The following SAXO1 variants were observed in gnomAD, a reference collection of about 807,000 sequenced individuals.
The protein encoded by SAXO1 is 4930500O09Rik.
Under a neutral mutation model 17.5 loss-of-function variants are expected in SAXO1, and 21 were observed. The observed-to-expected ratio is 1.20, with a 90% CI of 0.85 to 1.72. SAXO1 has a LOEUF of 1.72. Among genes scored for constraint, SAXO1 ranks in the 40% most tolerant of loss-of-function variants. SAXO1 has a pLI of 0.00. For missense variants in SAXO1, 843 were observed against 596.0 expected (o/e 1.41, Z -4.32); for synonymous variants, 274 against 216.5 (o/e 1.27, Z -2.33).
intron 3 of SAXO1, among the ~76,000 whole-genome samples, chr9:18,931,823 G>A (rs1205232034): frequency 6.6e-6 from 1 of 152,050 alleles, no homozygotes. Context: ...TGCTTTCATT[G>A]GTAAAATATT....
intron 1 of SAXO1, among the ~76,000 whole-genome samples, chr9:18,961,836 TC>T (rs1832499120): frequency 6.6e-6 from 1 of 152,156 alleles, no homozygotes; most frequent in Non-Finnish European, 1.5e-5. Flanking sequence ...GATGTACCTA[TC>T]CTTTGGTTAT....
chr9:18,995,607 T>G (rs1196097804), intron 1 of SAXO1, among the ~76,000 whole-genome samples: 1 of 152,218 alleles, frequency 6.6e-6, no homozygotes, highest in Admixed American at 6.5e-5. Flanking sequence ...TGCATCCCAG[T>G]CACTTCCAGG....
At chr9:18,989,666 C>A (rs967975197) in intron 1 of SAXO1, among the ~76,000 whole-genome samples, 1 of 152,052 alleles carries the variant, frequency 6.6e-6, no homozygotes, top group Non-Finnish European at 1.5e-5. Flanking sequence ...TATATAATCA[C>A]TAAAAGAGCT....
chr9:19,045,444 ATG>A (rs1470304822), intron 1 of SAXO1, among the ~76,000 whole-genome samples: 248 of 45,936 alleles, frequency 5.4e-3, no homozygotes, highest in South Asian at 7.8e-3. Flanking sequence ...CCCTGCAAAG[ATG>A]CAAAGAGTAA....
intron 3 of SAXO1, among the ~76,000 whole-genome samples, chr9:18,937,495 A>G (rs1002611092): frequency 6.6e-6 from 1 of 152,182 alleles, no homozygotes; most frequent in African/African-American, 2.4e-5. Context: ...AGAACAAACA[A>G]ACCACTTCAA....
At position 19,027,032 on chromosome 9, in the gene SAXO1, C is replaced by T. The variant is rs79435894; in HGVS notation, c.38+5839G>A. The stretch of plus-strand genomic sequence containing the variant: ...TGAAGAGTTAACTGTTGAGAGTCAC[C>T]CATGAGCTCCAAGCCATGAAGGACA... On this transcript the variant is annotated intron_variant, in intron 1 of 3. Transcript: ENST00000380534. 2,507 of 834,444 alleles carry T rather than the reference C, an allele frequency of 3.0e-3. 36 individuals carry two copies. In the African/African-American group the frequency reaches 0.037, roughly 12 times the overall value. 51.7% of individuals were successfully genotyped at this position (834,444 alleles called of 1,614,324 possible).
chr9:19,007,470 T>A (rs1834532647), intron 1 of SAXO1, among the ~76,000 whole-genome samples: 1 of 152,260 alleles, frequency 6.6e-6, no homozygotes, highest in Admixed American at 6.5e-5. Context: ...GCAATATATC[T>A]TTAAACACTT....
At chr9:18,941,083 G>T (rs927750913) in intron 3 of SAXO1, among the ~76,000 whole-genome samples, 1 of 152,074 alleles carries the variant, frequency 6.6e-6, no homozygotes, top group African/African-American at 2.4e-5. Flanking sequence ...TTTTCCATAT[G>T]TATGTTACAT....
chr9:18,980,772 T>TA (rs1425914795), intron 1 of SAXO1, among the ~76,000 whole-genome samples: 5 of 19,890 alleles, frequency 2.5e-4, no homozygotes, highest in South Asian at 1.2e-3. Flanking sequence ...AGCATATTTT[T>TA]AAAAAACTGA....
At chr9:19,001,640 TG>T (rs1834271114) in intron 1 of SAXO1, among the ~76,000 whole-genome samples, 1 of 146,228 alleles carries the variant, frequency 6.8e-6, no homozygotes, top group Non-Finnish European at 1.5e-5. Context: ...CACTCTAGCC[TG>T]GGCAACAGAG....
chr9:19,022,078 G>C (rs900015782), intron 1 of SAXO1, among the ~76,000 whole-genome samples: 3 of 152,202 alleles, frequency 2.0e-5, no homozygotes, highest in African/African-American at 7.2e-5. Context: ...CTATCTTTAT[G>C]AGCTGTAACA....
chr9:18,951,004 C>G, intron 1 of SAXO1, 67 bp from the exon 2 acceptor site: 2 of 1,463,372 alleles, frequency 1.4e-6, no homozygotes, highest in South Asian at 1.3e-5. Context: ...CCTAAGAGTA[C>G]TTCCGCCAAA....
chr9:18,993,474 C>T (rs1833891518), intron 1 of SAXO1, among the ~76,000 whole-genome samples: 1 of 152,186 alleles, frequency 6.6e-6, no homozygotes, highest in South Asian at 2.1e-4. Context: ...AGCTTTCCTT[C>T]TTATGGCTCA....
chr9:18,935,972 A>G (rs1831271703), intron 3 of SAXO1, among the ~76,000 whole-genome samples: 2 of 151,928 alleles, frequency 1.3e-5, no homozygotes, highest in South Asian at 4.2e-4. Context: ...AACATCACAG[A>G]CTCCTAGTGT....
At position 19,046,490 on chromosome 9, in the gene SAXO1, G is replaced by T. The variant is rs184423278; in HGVS notation, c.-158+2719C>A. On this transcript the variant is annotated intron_variant, in intron 1 of 3. Transcript: ENST00000542071. ...GCGGGCAGATCACCTGAGGTCGGCAGTTCGAGACCAGCCTGACCAACATGG... is the reference window on the plus strand; with the variant it reads ...GCGGGCAGATCACCTGAGGTCGGCATTTCGAGACCAGCCTGACCAACATGG... Among the ~76,000 whole-genome samples the T allele has an allele frequency of 1.8e-3, 278 of 152,250 alleles. 1 individual carries two copies. Among genetic ancestry groups the T allele is most frequent in the African/African-American group, 6.5e-3 (269 of 41,544 alleles).
chr9:18,959,410 A>T (rs992735870), intron 1 of SAXO1, among the ~76,000 whole-genome samples: 1 of 152,112 alleles, frequency 6.6e-6, no homozygotes, highest in African/African-American at 2.4e-5. Context: ...GGAGAGAAGA[A>T]TCAGAGCCAG....
In SAXO1 at chr9:18,950,765, T is replaced by A. The variant is rs1278089336; in HGVS notation, c.211A>T (p.Thr71Ser). 1 of 1,612,518 alleles carries A rather than the reference T, an allele frequency of 6.2e-7. No individual in the cohort carries two copies. Among genetic ancestry groups the A allele is most frequent in the African/African-American group, 1.3e-5 (1 of 74,888 alleles). ...KGPIPMEGLT[T>S]SRRDFGPHKV... ...AATACTGTTTGCCCTCACCTTGATG[T>A]AGTCAGGCCTTCCATTGGTATAGGC... Residue 71 changes from threonine (T) to serine (S), a missense_variant, in exon 2 of 4, where the codon ACA becomes TCA. Transcript: ENST00000380534.
intron 1 of SAXO1, among the ~76,000 whole-genome samples, chr9:19,015,672 T>C (rs953735057): frequency 1.3e-5 from 2 of 148,280 alleles, no homozygotes; most frequent in African/African-American, 5.0e-5. Flanking sequence ...AGAGACTGAG[T>C]ATCACTATGT....
chr9:18,996,240 G>A (rs542108205), intron 1 of SAXO1, among the ~76,000 whole-genome samples: 5 of 152,288 alleles, frequency 3.3e-5, no homozygotes, highest in African/African-American at 1.2e-4. Flanking sequence ...CTTCGCTGCA[G>A]TATTTTAAAG....
Sources: allele counts gnomAD v4.1 joint callset (sites outside exome capture counted in the v4.1 genomes callset), GRCh38; gene constraint gnomAD v4.1.1; transcripts MANE v1.5; gene names NCBI Gene and HGNC (gene_info 2026-07-23, HGNC 2026-07-21).